The following SRGAP3 variants were observed in gnomAD, a reference collection of about 807,000 sequenced individuals.
SRGAP3 encodes SLIT-ROBO Rho GTPase activating protein 3.
SRGAP3 carries 39 observed loss-of-function variants against 121.1 expected under a neutral mutation model. The ratio of observed to expected loss-of-function variants is 0.32; its 90% CI spans 0.25 to 0.42. The LOEUF (loss-of-function observed/expected upper bound fraction) is 0.42, where lower values mean the gene tolerates loss of function less well. Among genes scored for constraint, SRGAP3 ranks in the 10% least tolerant of loss-of-function variants. The pLI is 1.00. For missense variants in SRGAP3, 1,213 were observed against 1,470.6 expected (o/e 0.82, Z 2.86); for synonymous variants, 601 against 570.0 (o/e 1.05, Z -0.77).
intron 2 of SRGAP3, among the ~76,000 whole-genome samples, chr3:9,110,582 A>G (rs1032136709): frequency 6.6e-6 from 1 of 152,210 alleles, no homozygotes; most frequent in South Asian, 2.1e-4. Context: ...AGAGGGCAAG[A>G]TGGGGCAATG....
At chr3:9,155,805 T>C (rs1235644441) in intron 1 of SRGAP3, among the ~76,000 whole-genome samples, 1 of 152,198 alleles carries the variant, frequency 6.6e-6, no homozygotes, top group Non-Finnish European at 1.5e-5. Flanking sequence ...CTTATTCTTT[T>C]TTATAGATGC....
chr3:9,270,547 TTCTC>T (rs1954454170), intron 3 of SRGAP3, among the ~76,000 whole-genome samples: 2 of 152,320 alleles, frequency 1.3e-5, no homozygotes, highest in African/African-American at 4.8e-5. Flanking sequence ...ATATCCCTGT[TTCTC>T]TCTATCAAAT....
rs1172234873 is a variant in SRGAP3 at position 9,096,958 on chromosome 3, TA to T, written c.423+7721del. Among the ~76,000 whole-genome samples, 14 of 100,382 alleles carry T rather than the reference TA, an allele frequency of 1.4e-4. 1 individual carries two copies. The allele number at this position is 100,382 out of a possible 152,430, so 65.9% of individuals were successfully genotyped here. A position where few individuals can be genotyped will look rare whatever the true frequency, so the allele number is the denominator to read the frequency against. On this transcript the variant is annotated intron_variant, in intron 3 of 21. Coordinates refer to ENST00000383836, the MANE Select transcript of SRGAP3 (RefSeq NM_014850.4). ...TTTTGTATATATATATATATATATA[TA>T]TATATATATATATATATATATACAC...
At chr3:9,184,055 T>C (rs1024676637) in intron 1 of SRGAP3, among the ~76,000 whole-genome samples, 1 of 152,180 alleles carries the variant, frequency 6.6e-6, no homozygotes, top group Admixed American at 6.6e-5. Context: ...AAAAAAATAC[T>C]CCCTGCAGAC....
In SRGAP3 at chr3:8,980,723, G is replaced by A. The variant is rs185509015; in HGVS notation, c.*4796C>T. 4.7e-5 allele frequency: 11 copies of A among 232,858 alleles called. No individual in the cohort carries two copies. Among genetic ancestry groups the A allele is most frequent in the African/African-American group, 2.4e-4 (11 of 45,416 alleles). The allele number at this position is 232,858 out of a possible 1,614,324, so 14.4% of individuals were successfully genotyped here. A position where few individuals can be genotyped will look rare whatever the true frequency, so the allele number is the denominator to read the frequency against. ...GCGTTTGGTCGTAAGGTAGAGAAACGATATCCAGAAGAGGGCAACATTTAT... is the reference window on the plus strand; with the variant it reads ...GCGTTTGGTCGTAAGGTAGAGAAACAATATCCAGAAGAGGGCAACATTTAT... On this transcript the variant is annotated 3_prime_UTR_variant, in exon 22 of 22. Transcript: ENST00000383836.
intron 1 of SRGAP3, among the ~76,000 whole-genome samples, chr3:9,343,834 A>G (rs149820686): frequency 0.011 from 1,682 of 152,142 alleles, 32 homozygotes; most frequent in African/African-American, 0.037. Context: ...ATGCCCAGCT[A>G]ATTTTTGTAT....
chr3:9,353,196 C>A (rs1191433903), intron 1 of SRGAP3, among the ~76,000 whole-genome samples: 1 of 152,250 alleles, frequency 6.6e-6, no homozygotes, highest in Non-Finnish European at 1.5e-5. Flanking sequence ...CTACAACATT[C>A]TCCCTTGTCA....
At chr3:9,155,752 G>A (rs1319592284) in intron 1 of SRGAP3, among the ~76,000 whole-genome samples, 3 of 151,842 alleles carry the variant, frequency 2.0e-5, no homozygotes, top group South Asian at 2.1e-4. Context: ...TTTTATATCC[G>A]GTGTTCTTGT....
chr3:9,104,917 T>G, intron 2 of SRGAP3, 75 bp from the exon 3 acceptor site: 1 of 1,587,272 alleles, frequency 6.3e-7, no homozygotes, highest in Non-Finnish European at 8.6e-7. Context: ...GTCACCCACT[T>G]CAGCTCTTTT....
At chr3:9,062,089 C>T (rs1190891792) in intron 5 of SRGAP3, among the ~76,000 whole-genome samples, 1 of 152,186 alleles carries the variant, frequency 6.6e-6, no homozygotes, top group African/African-American at 2.4e-5. Flanking sequence ...ACCTGACCCC[C>T]CACAGAGAGT....
At chr3:9,084,404 T>A (rs1947371392) in intron 3 of SRGAP3, among the ~76,000 whole-genome samples, 2 of 152,170 alleles carry the variant, frequency 1.3e-5, no homozygotes, top group South Asian at 2.1e-4. Flanking sequence ...AAGTTTTAGC[T>A]TTTCTACTGA....
chr3:9,334,754 C>T (rs1326322896), intron 1 of SRGAP3, among the ~76,000 whole-genome samples: 2 of 152,188 alleles, frequency 1.3e-5, no homozygotes, highest in Non-Finnish European at 2.9e-5. Flanking sequence ...AAGAAAAAAG[C>T]ACTGAACCAA....
chr3:9,255,567 C>G (rs557960360), intron 3 of SRGAP3, among the ~76,000 whole-genome samples: 1 of 152,140 alleles, frequency 6.6e-6, no homozygotes, highest in African/African-American at 2.4e-5. Context: ...CCTGGCTATC[C>G]CTGAACCAAT....
At chr3:9,161,293 T>C (rs1950591113) in intron 1 of SRGAP3, among the ~76,000 whole-genome samples, 1 of 152,244 alleles carries the variant, frequency 6.6e-6, no homozygotes, top group South Asian at 2.1e-4. Context: ...TGACTGCTGA[T>C]ATGCTCCACT....
intron 1 of SRGAP3, among the ~76,000 whole-genome samples, chr3:9,238,536 T>C (rs2125232918): frequency 6.6e-6 from 1 of 152,018 alleles, no homozygotes; most frequent in African/African-American, 2.4e-5. Context: ...TAGACCAAAG[T>C]GGAGAGTAAA....
At chr3:9,120,788 A>G (rs1948977341) in intron 2 of SRGAP3, among the ~76,000 whole-genome samples, 1 of 152,114 alleles carries the variant, frequency 6.6e-6, no homozygotes, top group East Asian at 1.9e-4. Context: ...ATATGATGAT[A>G]TTTTTCTCTA....
rs183030139 is a variant in SRGAP3 at position 9,172,993 on chromosome 3, C to A, written c.68-48076G>T. Among the ~76,000 whole-genome samples, 310 of 152,318 alleles carry A rather than the reference C, an allele frequency of 2.0e-3. 1 individual carries two copies. The highest frequency in any genetic ancestry group is 7.1e-3 in the African/African-American group (296 of 41,580). On this transcript the variant is annotated intron_variant, in intron 1 of 21. Transcript: ENST00000383836. ...AGTCATGTGAGAGGAAGCTGGGAAG[C>A]TACCAAGGCAAACAGGAGAGGTGGT...
chr3:9,048,964 C>T (rs1243563460), intron 9 of SRGAP3, among the ~76,000 whole-genome samples: 2 of 152,118 alleles, frequency 1.3e-5, no homozygotes, highest in South Asian at 2.1e-4. Context: ...AGGAGGTTTA[C>T]AAGCAAGGGG....
intron 20 of SRGAP3, 161 bp downstream of exon 20, chr3:8,992,745 T>C: frequency 7.8e-7 from 1 of 1,280,688 alleles, no homozygotes; most frequent in Non-Finnish European, 1.1e-6. Flanking sequence ...CTGGCCTTCT[T>C]GGGCCAATGC....
Sources: gnomAD v4.1 joint callset for allele counts (sites outside exome capture counted in the v4.1 genomes callset) on GRCh38, gnomAD v4.1.1 for gene constraint, MANE v1.5 for transcripts, NCBI Gene and HGNC (gene_info 2026-07-23, HGNC 2026-07-21) for gene names.